SLC35F4: variants seen among roughly 807,000 people sequenced by gnomAD.
The protein encoded by SLC35F4 is chromosome 14 open reading frame 36.
SLC35F4 carries 24 observed loss-of-function variants against 44.2 expected under a neutral mutation model. That is an observed-to-expected ratio of 0.54 (90% CI 0.39 to 0.76). SLC35F4 has a LOEUF of 0.76. Among genes scored for constraint, SLC35F4 ranks in the 30% least tolerant of loss-of-function variants. The pLI is 0.00. For missense variants in SLC35F4, 562 were observed against 586.1 expected (o/e 0.96, Z 0.42); for synonymous variants, 238 against 223.6 (o/e 1.06, Z -0.57).
chr14:57,613,122 G>T (rs1394312682), intron 1 of SLC35F4, among the ~76,000 whole-genome samples: 1 of 152,148 alleles, frequency 6.6e-6, no homozygotes, highest in African/African-American at 2.4e-5. Flanking sequence ...CTGTCTTATG[G>T]GAGAGTTGAG....
intron 1 of SLC35F4, among the ~76,000 whole-genome samples, chr14:57,880,533 C>T (rs1888512612): frequency 6.6e-6 from 1 of 152,156 alleles, no homozygotes; most frequent in Non-Finnish European, 1.5e-5. Flanking sequence ...TTTGGAGGTA[C>T]ATTGATGACA....
intron 1 of SLC35F4, among the ~76,000 whole-genome samples, chr14:57,798,041 C>G (rs954693966): frequency 2.8e-5 from 4 of 142,936 alleles, no homozygotes; most frequent in Non-Finnish European, 6.0e-5. Flanking sequence ...ACCCATGAAG[C>G]AGTCTTGAAC....
At chr14:57,595,727 C>T (rs895406224) in intron 1 of SLC35F4, 1 of 152,180 alleles carries the variant, frequency 6.6e-6, no homozygotes, top group Admixed American at 6.5e-5. Flanking sequence ...AGATTGGCTA[C>T]TGAGTACCTT....
intron 4 of SLC35F4, chr14:57,580,516 A>G: frequency 2.5e-6 from 1 of 396,552 alleles, no homozygotes; most frequent in Non-Finnish European, 4.9e-6. Context: ...CTGGCTCCTT[A>G]AATCTTCAGG....
At chr14:57,749,413 C>T (rs1380594926) in intron 1 of SLC35F4, among the ~76,000 whole-genome samples, 1 of 151,936 alleles carries the variant, frequency 6.6e-6, no homozygotes, top group African/African-American at 2.4e-5. Context: ...TCTCATTAAA[C>T]AAAACAACGG....
At chr14:57,972,257 G>A (rs1336310174), downstream of SLC35F4, among the ~76,000 whole-genome samples, 2 of 152,210 alleles carry the variant, frequency 1.3e-5, no homozygotes, top group African/African-American at 2.4e-5. Context: ...ATGATAGGGA[G>A]AGTGTTTAGC....
chr14:57,955,684 T>A (rs186774561), intron 1 of SLC35F4, among the ~76,000 whole-genome samples: 1 of 152,140 alleles, frequency 6.6e-6, no homozygotes, highest in East Asian at 1.9e-4. Context: ...TGAACTCCCA[T>A]TCACAATTGC....
At chr14:57,800,240 G>A (rs2140850098) in intron 1 of SLC35F4, among the ~76,000 whole-genome samples, 1 of 147,084 alleles carries the variant, frequency 6.8e-6, no homozygotes, top group South Asian at 2.2e-4. Context: ...GGGGTCTGGA[G>A]CGGATCCCCA....
intron 1 of SLC35F4, among the ~76,000 whole-genome samples, chr14:57,723,625 G>C (rs12882672): frequency 0.4 from 60,117 of 152,176 alleles, 11,916 homozygotes; most frequent in Middle Eastern, 0.41. Flanking sequence ...CCATTGACAT[G>C]GCAAATGCCT....
chr14:57,630,127 T>C (rs562316755), intron 1 of SLC35F4: 3 of 549,970 alleles, frequency 5.5e-6, no homozygotes, highest in African/African-American at 3.8e-5. Context: ...AGAAAGTGGA[T>C]TTGTGGATGG....
intron 1 of SLC35F4, among the ~76,000 whole-genome samples, chr14:57,839,064 A>G (rs1045315336): frequency 6.6e-6 from 1 of 152,138 alleles, no homozygotes. Flanking sequence ...AAGTCATTTA[A>G]TGTCAGTCTA....
At chr14:57,646,583 C>G (rs996471716) in intron 1 of SLC35F4, among the ~76,000 whole-genome samples, 9 of 152,098 alleles carry the variant, frequency 5.9e-5, no homozygotes, top group African/African-American at 2.2e-4. Context: ...TTCCTGGATT[C>G]ATTGATTTTT....
intron 1 of SLC35F4, 77 bp from the exon 2 acceptor site, chr14:57,594,201 T>C (rs1479986083): frequency 7.3e-6 from 10 of 1,377,498 alleles, no homozygotes; most frequent in African/African-American, 1.5e-5. Context: ...TATTTAATTA[T>C]TGTTTGGAAA....
At chr14:57,862,080 C>T (rs1887730886) in intron 1 of SLC35F4, among the ~76,000 whole-genome samples, 3 of 152,134 alleles carry the variant, frequency 2.0e-5, no homozygotes, top group African/African-American at 7.2e-5. Context: ...CACCCCCCAC[C>T]CCTTTCCAAA....
intron 1 of SLC35F4, among the ~76,000 whole-genome samples, chr14:57,891,655 A>G (rs902075102): frequency 3.9e-5 from 6 of 152,174 alleles, no homozygotes; most frequent in African/African-American, 1.4e-4. Flanking sequence ...AGGCAGGCAT[A>G]TCACGAGATC....
intron 1 of SLC35F4, among the ~76,000 whole-genome samples, chr14:57,688,310 C>A (rs2075127665): frequency 6.6e-6 from 1 of 152,062 alleles, no homozygotes; most frequent in Non-Finnish European, 1.5e-5. Context: ...GTTTCCTTTG[C>A]AAGTAAAATT....
rs575823936 is a variant in SLC35F4, at chr14:57,693,806, A to C, written c.104-99682T>G. 8.1e-4 allele frequency among the ~76,000 whole-genome samples: 123 copies of C among 151,576 alleles called. 1 individual carries two copies. Among genetic ancestry groups the C allele is most frequent in the African/African-American group, 2.6e-3 (109 of 41,328 alleles). On this transcript the variant is annotated intron_variant, in intron 1 of 7. Transcript: ENST00000556826. ...GCTGGTCTCGGCAATTTGTCCCCTA[A>C]CTTTTTTTTTGCTTAATCTGTGTAG...
intron 1 of SLC35F4, among the ~76,000 whole-genome samples, chr14:57,673,090 G>A (rs1226343484): frequency 1.3e-5 from 2 of 152,072 alleles, no homozygotes; most frequent in African/African-American, 4.8e-5. Flanking sequence ...TAAAGATGAT[G>A]AACCATGAAT....
chr14:57,928,058 GA>G (rs376481674), intron 1 of SLC35F4, among the ~76,000 whole-genome samples: 7,009 of 144,888 alleles, frequency 0.048, 200 homozygotes, highest in Middle Eastern at 0.084. Context: ...CACCACAGAA[GA>G]AAAAAAAAAA....
Sources: allele counts gnomAD v4.1 joint callset (sites outside exome capture counted in the v4.1 genomes callset), GRCh38; gene constraint gnomAD v4.1.1; transcripts MANE v1.5; gene names NCBI Gene and HGNC (gene_info 2026-07-23, HGNC 2026-07-21).